ZC3H18: variants seen among roughly 807,000 people sequenced by gnomAD.
The protein encoded by ZC3H18 is zinc finger CCCH domain-containing protein 18.
Under a neutral mutation model 106.1 loss-of-function variants are expected in ZC3H18, and 8 were observed. The ratio of observed to expected loss-of-function variants is 0.08; its 90% confidence interval spans 0.04 to 0.14. The LOEUF (loss-of-function observed/expected upper bound fraction) is 0.14, where lower values mean the gene tolerates loss of function less well. Among genes scored for constraint, ZC3H18 ranks in the 10% least tolerant of loss-of-function variants. The pLI is 1.00. For missense variants in ZC3H18, 1,318 were observed against 1,278.4 expected, an observed-to-expected ratio of 1.03 and a Z score of -0.47; for synonymous variants, 635 against 522.1, an observed-to-expected ratio of 1.22 and a Z score of -2.95.
intron 4 of ZC3H18, 74 bp downstream of exon 4, chr16:88,598,400 A>G (rs1904562372): frequency 1.9e-6 from 3 of 1,541,008 alleles, no homozygotes; most frequent in Admixed American, 2.1e-5. Context: ...GCTTAAGACA[A>G]GTCACTGTGC....
At chr16:88,586,765 G>A (rs1915461696) in intron 3 of ZC3H18, 81 bp downstream of exon 3, 1 of 1,126,804 alleles carries the variant, frequency 8.9e-7, no homozygotes, top group South Asian at 1.3e-5. Context: ...CACCTTGCCA[G>A]GCCCTGCTCT....
chr16:88,586,785 A>G (rs1035844399), intron 3 of ZC3H18, 101 bp downstream of exon 3: 31 of 694,712 alleles, frequency 4.5e-5, no homozygotes, highest in Non-Finnish European at 6.8e-5. Flanking sequence ...TGCTCAAGGC[A>G]GTTCTCTGGG....
At chr16:88,589,537 G>A (rs75523188) in intron 3 of ZC3H18, among the ~76,000 whole-genome samples, 2 of 152,256 alleles carry the variant, frequency 1.3e-5, no homozygotes, top group East Asian at 3.8e-4. Flanking sequence ...GACGTGCTGA[G>A]TGACAGAAGG....
intron 3 of ZC3H18, among the ~76,000 whole-genome samples, chr16:88,588,004 G>T (rs556717071): frequency 3.3e-5 from 5 of 152,342 alleles, no homozygotes; most frequent in African/African-American, 1.2e-4. Context: ...ACACGTGCAT[G>T]TGAGGGGCCC....
At chr16:88,608,871 G>T in intron 6 of ZC3H18, 63 bp from the exon 7 acceptor site, 1 of 1,347,002 alleles carries the variant, frequency 7.4e-7, no homozygotes, top group Non-Finnish European at 1.1e-6. Context: ...CTAATGTTTC[G>T]TGTGGTCTTT....
At chr16:88,603,554 C>T (rs1331179276) in intron 6 of ZC3H18, among the ~76,000 whole-genome samples, 2 of 149,472 alleles carry the variant, frequency 1.3e-5, no homozygotes, top group Admixed American at 6.6e-5. Flanking sequence ...ACCTGGGAGG[C>T]GGAGGTTGCC....
chr16:88,624,516 C>T (rs1288681648), intron 11 of ZC3H18, 86 bp from the exon 12 acceptor site: 3 of 1,597,658 alleles, frequency 1.9e-6, no homozygotes, highest in East Asian at 2.3e-5. Flanking sequence ...TGTCGTTCCC[C>T]GAGCTGTGGG....
chr16:88,605,607 CA>C (rs927462661), intron 6 of ZC3H18, among the ~76,000 whole-genome samples: 2 of 152,242 alleles, frequency 1.3e-5, no homozygotes, highest in Non-Finnish European at 2.9e-5. Flanking sequence ...CTGAATTGTG[CA>C]AATGCAAGTT....
At chr16:88,600,041 C>G in intron 6 of ZC3H18, 93 bp downstream of exon 6, 1 of 1,470,340 alleles carries the variant, frequency 6.8e-7, no homozygotes, top group Non-Finnish European at 9.2e-7. Flanking sequence ...AGGGTGCGCT[C>G]GGCTGAGACC....
At chr16:88,602,063 G>C (rs1197618897) in intron 6 of ZC3H18, among the ~76,000 whole-genome samples, 1 of 152,254 alleles carries the variant, frequency 6.6e-6, no homozygotes, top group Non-Finnish European at 1.5e-5. Flanking sequence ...AGGGAAGGAA[G>C]GAGCTGCACT....
intron 3 of ZC3H18, among the ~76,000 whole-genome samples, chr16:88,595,174 AG>A (rs570791235): frequency 3.6e-4 from 55 of 152,334 alleles, no homozygotes; most frequent in African/African-American, 1.2e-3. Context: ...ACAAAACAAA[AG>A]AAAAACCAGT....
At chr16:88,599,082 T>TC (rs1201264002) in intron 5 of ZC3H18, among the ~76,000 whole-genome samples, 1 of 152,188 alleles carries the variant, frequency 6.6e-6, no homozygotes, top group Non-Finnish European at 1.5e-5. Context: ...GGGAGTTCAG[T>TC]CCAGGGCATA....
Position 88,587,608 on chromosome 16 carries a change from T to G in ZC3H18, c.688+924T>G. The G allele has an allele frequency of 2.0e-6, 3 of 1,535,724 alleles. No homozygotes were observed. The South Asian group carries it at 3.6e-5, about 18-fold the overall frequency. The stretch of plus-strand genomic sequence containing the variant: ...AATTCCATACCATTCAGAGGCCAGG[T>G]TAAAGGTACAAAATACGCTATATTC... On this transcript the variant is annotated intron_variant, in intron 3 of 17. Coordinates refer to ENST00000301011, the MANE Select transcript of ZC3H18 (RefSeq NM_144604.4).
At chr16:88,630,323 T>G in intron 16 of ZC3H18, 162 bp from the exon 17 acceptor site, 1 of 590,370 alleles carries the variant, frequency 1.7e-6, no homozygotes, top group Non-Finnish European at 3.0e-6. Context: ...CACATCTCTC[T>G]TCTCCTACTT....
chr16:88,608,092 C>T (rs1905095185), intron 6 of ZC3H18, among the ~76,000 whole-genome samples: 4 of 152,142 alleles, frequency 2.6e-5, no homozygotes, highest in Admixed American at 2.6e-4. Flanking sequence ...TTTGAATTGG[C>T]TTTATCAAGT....
At chr16:88,628,210 C>T (rs58149571) in intron 15 of ZC3H18, 91 bp downstream of exon 15, 111,475 of 1,466,100 alleles carry the variant, frequency 0.076, 4,652 homozygotes, top group Middle Eastern at 0.097. Context: ...GGGACGGAGC[C>T]TGAGTGAGGG....
intron 17 of ZC3H18, 38 bp from the exon 18 acceptor site, chr16:88,631,058 ACGTGG>A: frequency 6.2e-7 from 1 of 1,609,010 alleles, no homozygotes; most frequent in Non-Finnish European, 8.5e-7. Flanking sequence ...CCACCTGCAG[ACGTGG>A]CTTCTGGGGG....
Position 88,627,739 on chromosome 16 carries a change from C to T in ZC3H18, c.2226C>T (p.Ala742=). The T allele has an allele frequency of 4.3e-6, 7 of 1,613,150 alleles. No individual in the cohort carries two copies. The highest frequency in any genetic ancestry group is 5.9e-6 in the Non-Finnish European group (7 of 1,179,458). ...ACCTGGCTAGCCCCGTGTCCTCAGC[C>T]AGCTCTCGGTCCCCGGCCCCAGCCC... is the stretch of plus-strand genomic sequence containing the variant. ...YADLASPVSS[A]SSRSPAPAQT... Residue 742 remains alanine, a synonymous_variant, in exon 14 of 18, where the codon GCC becomes GCT. Coordinates refer to ENST00000301011, the MANE Select transcript of ZC3H18 (RefSeq NM_144604.4). This position sits in a 1 kb window ranked among gnomAD's most constrained non-coding sequence, Gnocchi z 4.5.
chr16:88,594,591 A>G lies in ZC3H18; in HGVS notation c.689-3587A>G, dbSNP rs528887233. Among the ~76,000 whole-genome samples the G allele has an allele frequency of 1.4e-4, 21 of 152,180 alleles. No homozygotes were observed. In the South Asian group the frequency reaches 3.9e-3, roughly 29 times the overall value. On this transcript the variant is annotated intron_variant, in intron 3 of 17. Coordinates refer to ENST00000301011, the MANE Select transcript of ZC3H18 (RefSeq NM_144604.4). ...ATGCAGGTTCCCTTTCTGTAGTTAC[A>G]TTGTTTAGTGAAAAAAAGCAAGGTT...
Sources: gnomAD v4.1 joint callset for allele counts (sites outside exome capture counted in the v4.1 genomes callset) on GRCh38, gnomAD v4.1.1 for gene constraint, Gnocchi (gnomAD v3.1) non-coding constraint, MANE v1.5 for transcripts, NCBI Gene and HGNC (gene_info 2026-07-23, HGNC 2026-07-21) for gene names.